The following RUNX1 variants were observed in gnomAD, a reference collection of about 807,000 sequenced individuals.
The protein encoded by RUNX1 is RUNX family transcription factor 1, also known as runt-related transcription factor 1.
Under a neutral mutation model 42.8 loss-of-function variants are expected in RUNX1, and 19 were observed. That is an observed-to-expected ratio of 0.44 (90% CI 0.31 to 0.65). The LOEUF (loss-of-function observed/expected upper bound fraction) is 0.65, where lower values mean the gene tolerates loss of function less well. RUNX1 is among the 30% of genes least tolerant of loss of function. RUNX1 has a pLI of 0.07. For synonymous variants in RUNX1, 271 were observed against 289.4 expected (o/e 0.94, Z 0.64); for missense variants, 528 against 672.0 (o/e 0.79, Z 2.37).
intron 7 of RUNX1, among the ~76,000 whole-genome samples, chr21:34,823,644 ATGTTG>A (rs2056944267): frequency 6.6e-6 from 1 of 151,982 alleles, no homozygotes; most frequent in Non-Finnish European, 1.5e-5. Context: ...GGGTTTTGCC[ATGTTG>A]GCAGGCTGGT....
intron 2 of RUNX1, among the ~76,000 whole-genome samples, chr21:35,047,545 A>ACT (rs2059406132): frequency 6.2e-5 from 8 of 129,576 alleles, no homozygotes; most frequent in East Asian, 5.6e-4. Flanking sequence ...ACACACACAC[A>ACT]CACACACACA....
intron 2 of RUNX1, among the ~76,000 whole-genome samples, chr21:34,949,017 G>C (rs943035983): frequency 6.6e-6 from 1 of 152,148 alleles, no homozygotes; most frequent in Non-Finnish European, 1.5e-5. Context: ...GCCTCCCAAA[G>C]TGCTGGGATT....
chr21:35,035,873 T>C lies in RUNX1; in HGVS notation c.58+12969A>G, dbSNP rs78842142. Reference sequence around the variant, plus strand: ...ACGTGGTTGTGATTGAAAAGAGGAATAGAGAGATGTGATGTGGCTGTTTAA... The same window carrying C: ...ACGTGGTTGTGATTGAAAAGAGGAACAGAGAGATGTGATGTGGCTGTTTAA... On this transcript the variant is annotated intron_variant, in intron 2 of 8. Transcript: ENST00000675419. Among the ~76,000 whole-genome samples, 260 of 152,266 alleles carry C rather than the reference T, an allele frequency of 1.7e-3. 2 individuals are homozygous for C. Among genetic ancestry groups the C allele is most frequent in the African/African-American group, 5.7e-3 (237 of 41,556 alleles).
chr21:35,031,041 A>C (rs1013530204), intron 2 of RUNX1, among the ~76,000 whole-genome samples: 6 of 152,210 alleles, frequency 3.9e-5, no homozygotes, highest in African/African-American at 1.4e-4. Context: ...CCTGGTAGGA[A>C]AGCTTTTATC....
chr21:35,011,482 C>G (rs1165485856), intron 2 of RUNX1, among the ~76,000 whole-genome samples: 1 of 152,206 alleles, frequency 6.6e-6, no homozygotes, highest in Non-Finnish European at 1.5e-5. Context: ...GTCTGGGGAT[C>G]AGGTGGATCC....
chr21:34,877,462 G>A (rs963540314), intron 5 of RUNX1, among the ~76,000 whole-genome samples: 4 of 152,124 alleles, frequency 2.6e-5, no homozygotes, highest in Non-Finnish European at 4.4e-5. Context: ...TCATCTCCTG[G>A]GAGCTGCTAT....
At chr21:35,005,929 C>A (rs555022246) in intron 2 of RUNX1, among the ~76,000 whole-genome samples, 1 of 152,266 alleles carries the variant, frequency 6.6e-6, no homozygotes, top group East Asian at 1.9e-4. Flanking sequence ...GTGTGGCGAC[C>A]AGTACGTCCA....
At chr21:35,049,015 A>G (rs1028249627) in intron 1 of RUNX1, 57 bp from the exon 2 acceptor site, 18 of 859,774 alleles carry the variant, frequency 2.1e-5, no homozygotes, top group African/African-American at 1.6e-5. Context: ...CTAGCCCTAC[A>G]TCTCTCTTTC....
rs73362834 is a variant in RUNX1, at chr21:34,792,879, C to T, written c.968-269G>A. On this transcript the variant is annotated intron_variant, in intron 8 of 8. Transcript: ENST00000675419. The surrounding 1 kb of genome is among the most constrained non-coding windows in gnomAD (Gnocchi z 6.9). ...GAGGATCACCCAGCATGTCACCTCC[C>T]AAGAGGATGGGGACTACCCATGATG... 0.028 allele frequency among the ~76,000 whole-genome samples: 4,168 copies of T among 151,550 alleles called. 158 individuals carry two copies. Among genetic ancestry groups the T allele is most frequent in the African/African-American group, 0.085 (3,528 of 41,278 alleles).
At chr21:34,900,445 A>G (rs934744183) in intron 2 of RUNX1, among the ~76,000 whole-genome samples, 5 of 152,194 alleles carry the variant, frequency 3.3e-5, no homozygotes, top group Non-Finnish European at 5.9e-5. Flanking sequence ...GTTAGTGAGG[A>G]CCACTAAATA....
chr21:34,974,115 C>T (rs1463339435), intron 2 of RUNX1, among the ~76,000 whole-genome samples: 6 of 152,240 alleles, frequency 3.9e-5, no homozygotes, highest in Middle Eastern at 3.4e-3. Flanking sequence ...TCTCTGTTTT[C>T]GTAAAAGCCA....
intron 2 of RUNX1, among the ~76,000 whole-genome samples, chr21:34,934,960 T>C (rs2058474514): frequency 6.6e-6 from 1 of 152,206 alleles, no homozygotes; most frequent in African/African-American, 2.4e-5. Flanking sequence ...CATATTCATT[T>C]TCCCTCTCTC....
intron 5 of RUNX1, 89 bp from the exon 6 acceptor site, chr21:34,859,667 A>G (rs2057544021): frequency 9.1e-7 from 1 of 1,098,520 alleles, no homozygotes; most frequent in South Asian, 1.2e-5. Flanking sequence ...TATGCTGTCC[A>G]GCCCTTCAGC....
At chr21:34,850,306 G>A (rs1439738097) in intron 6 of RUNX1, among the ~76,000 whole-genome samples, 2 of 152,224 alleles carry the variant, frequency 1.3e-5, no homozygotes, top group African/African-American at 4.8e-5. Flanking sequence ...GACACAGGCA[G>A]CAGGCGGAGC....
intron 2 of RUNX1, among the ~76,000 whole-genome samples, chr21:35,035,549 C>G (rs192243513): frequency 7.6e-4 from 116 of 152,274 alleles, no homozygotes; most frequent in African/African-American, 2.8e-3. Flanking sequence ...GTAGCTGTGC[C>G]TATATCGTGA....
At chr21:34,794,555 AACTC>A (rs1265166515) in intron 8 of RUNX1, among the ~76,000 whole-genome samples, 1 of 152,198 alleles carries the variant, frequency 6.6e-6, no homozygotes, top group Non-Finnish European at 1.5e-5. Context: ...TTGTCTCTAA[AACTC>A]ACTTTGTTAC....
At chr21:35,034,428 A>G (rs2059292936) in intron 2 of RUNX1, among the ~76,000 whole-genome samples, 1 of 152,064 alleles carries the variant, frequency 6.6e-6, no homozygotes, top group African/African-American at 2.4e-5. Flanking sequence ...GGTGTGTGGG[A>G]GGCAAACATG....
chr21:35,044,833 G>A (rs193287762), intron 2 of RUNX1, among the ~76,000 whole-genome samples: 43 of 152,322 alleles, frequency 2.8e-4, no homozygotes, highest in Non-Finnish European at 5.4e-4. Context: ...AGAGAATGTA[G>A]GAACGTCTCA....
At chr21:34,853,596 T>C (rs138310248) in intron 6 of RUNX1, among the ~76,000 whole-genome samples, 1,608 of 152,324 alleles carry the variant, frequency 0.011, 12 homozygotes, top group Middle Eastern at 0.02. Context: ...CCTGTTCTTT[T>C]GAAGATTATA....
Sources: gnomAD v4.1 joint callset for allele counts (sites outside exome capture counted in the v4.1 genomes callset) on GRCh38, gnomAD v4.1.1 for gene constraint, Gnocchi (gnomAD v3.1) non-coding constraint, MANE v1.5 for transcripts, NCBI Gene and HGNC (gene_info 2026-07-23, HGNC 2026-07-21) for gene names.